The following MTMR3 variants were observed in gnomAD, a reference collection of about 807,000 sequenced individuals.
The protein encoded by MTMR3 is phosphatidylinositol-3,5-bisphosphate 3-phosphatase MTMR3.
Under a neutral mutation model 132.4 loss-of-function variants are expected in MTMR3, and 32 were observed. The ratio of observed to expected loss-of-function variants is 0.24; its 90% confidence interval spans 0.18 to 0.32. The LOEUF (loss-of-function observed/expected upper bound fraction) is 0.32, where lower values mean the gene tolerates loss of function less well. Among genes scored for constraint, MTMR3 ranks in the 10% least tolerant of loss-of-function variants. The pLI, the probability that MTMR3 is intolerant of heterozygous loss-of-function variation, is 1.00. For missense variants in MTMR3, 1,216 were observed against 1,489.6 expected (o/e 0.82, Z 3.02); for synonymous variants, 556 against 550.3 (o/e 1.01, Z -0.14).
chr22:29,888,768 CTT>C (rs3049983), intron 1 of MTMR3, among the ~76,000 whole-genome samples: 324 of 101,854 alleles, frequency 3.2e-3, no homozygotes, highest in African/African-American at 8.7e-3. Context: ...TTAGTTAATA[CTT>C]TTTTTTTTTT....
intron 1 of MTMR3, among the ~76,000 whole-genome samples, chr22:29,927,459 A>G (rs554575243): frequency 5.9e-5 from 9 of 152,374 alleles, no homozygotes; most frequent in African/African-American, 1.9e-4. Flanking sequence ...TTAAAAGGTT[A>G]TCTTTAGATC....
chr22:29,928,178 T>C (rs1021063692), intron 1 of MTMR3, among the ~76,000 whole-genome samples: 10 of 149,234 alleles, frequency 6.7e-5, no homozygotes, highest in East Asian at 1.9e-4. Context: ...TTTCTTTTTT[T>C]TTTTTTTTTT....
intron 3 of MTMR3, among the ~76,000 whole-genome samples, chr22:29,975,612 T>C (rs968322789): frequency 6.6e-6 from 1 of 152,256 alleles, no homozygotes. Flanking sequence ...TGTGTTTTTT[T>C]GTTTTTGACA....
At chr22:29,917,574 A>T (rs927602225) in intron 1 of MTMR3, among the ~76,000 whole-genome samples, 28 of 152,090 alleles carry the variant, frequency 1.8e-4, no homozygotes, top group East Asian at 7.7e-4. Context: ...GTGCAATTTT[A>T]AAAAAAAGTG....
intron 1 of MTMR3, among the ~76,000 whole-genome samples, chr22:29,902,758 C>T (rs1006824229): frequency 7.9e-5 from 12 of 152,162 alleles, no homozygotes; most frequent in Non-Finnish European, 1.6e-4. Context: ...TCTCCTCCCC[C>T]AAGATGGCTG....
At chr22:29,959,976 A>G (rs1034449727) in intron 2 of MTMR3, among the ~76,000 whole-genome samples, 1 of 151,836 alleles carries the variant, frequency 6.6e-6, no homozygotes, top group Admixed American at 6.6e-5. Flanking sequence ...TATGTTGCTC[A>G]GGGTGGTCTT....
At chr22:29,946,817 A>G (rs1254280210) in intron 1 of MTMR3, among the ~76,000 whole-genome samples, 3 of 152,158 alleles carry the variant, frequency 2.0e-5, no homozygotes, top group South Asian at 2.1e-4. Context: ...CAGACTGAAT[A>G]AAAGGTAAAA....
At chr22:29,932,070 G>A (rs907652342) in intron 1 of MTMR3, among the ~76,000 whole-genome samples, 2 of 152,196 alleles carry the variant, frequency 1.3e-5, no homozygotes, top group Non-Finnish European at 2.9e-5. Context: ...AAATCTGAAT[G>A]CTATTGTAAT....
At chr22:30,008,966 G>T in intron 11 of MTMR3, 52 bp from the exon 12 acceptor site, 7 of 1,311,744 alleles carry the variant, frequency 5.3e-6, no homozygotes, top group Non-Finnish European at 6.6e-6. Flanking sequence ...ATTTGGCCAT[G>T]TGGGCTTTAA....
At chr22:29,978,847 G>T in intron 4 of MTMR3, 89 bp from the exon 5 acceptor site, 2 of 965,098 alleles carry the variant, frequency 2.1e-6, no homozygotes, top group Non-Finnish European at 1.6e-6. Flanking sequence ...CAGTGGCAGA[G>T]GATTTACCAT....
rs191161343 is a variant in MTMR3 at position 29,931,187 on chromosome 22, C to T, written c.-137-25849C>T. Among the ~76,000 whole-genome samples, 4 of 152,194 alleles carry T rather than the reference C, an allele frequency of 2.6e-5. No homozygotes were observed. The East Asian group carries it at 5.8e-4, about 22-fold the overall frequency. ...TTCTGCAGTGGAAATACTGACACAACAAGGTTAACAGTACTTGAATCTCTG... is the reference window on the plus strand; with the variant it reads ...TTCTGCAGTGGAAATACTGACACAATAAGGTTAACAGTACTTGAATCTCTG... On this transcript the variant is annotated intron_variant, in intron 1 of 19. Coordinates refer to ENST00000401950, the MANE Select transcript of MTMR3 (RefSeq NM_021090.4).
intron 11 of MTMR3, 170 bp downstream of exon 11, chr22:30,008,202 C>A (rs2067316690): frequency 1.2e-6 from 1 of 823,724 alleles, no homozygotes; most frequent in Admixed American, 3.2e-5. Context: ...ATGTTCTTTT[C>A]TGAGGAGAAA....
chr22:29,939,579 T>G (rs1425342681), intron 1 of MTMR3, among the ~76,000 whole-genome samples: 1 of 152,242 alleles, frequency 6.6e-6, no homozygotes, highest in Non-Finnish European at 1.5e-5. Context: ...GAGTCACTAA[T>G]GTTTTAGTGA....
chr22:29,923,789 A>G (rs1397403330), intron 1 of MTMR3, among the ~76,000 whole-genome samples: 2 of 152,092 alleles, frequency 1.3e-5, no homozygotes, highest in African/African-American at 2.4e-5. Context: ...TACAGGTGTA[A>G]TTAAGGCCCT....
chr22:29,945,706 T>C (rs1291143869), intron 1 of MTMR3, among the ~76,000 whole-genome samples: 1 of 114,228 alleles, frequency 8.8e-6, no homozygotes, highest in African/African-American at 3.9e-5. Context: ...CTCCAGTCTT[T>C]AAAATGAAAA....
At chr22:29,901,998 G>A (rs2065009825) in intron 1 of MTMR3, among the ~76,000 whole-genome samples, 1 of 152,142 alleles carries the variant, frequency 6.6e-6, no homozygotes, top group Non-Finnish European at 1.5e-5. Flanking sequence ...ACAAATAAAA[G>A]TGCCATAAAA....
chr22:30,002,054 G>C (rs1015989769), intron 8 of MTMR3: 9 of 152,070 alleles, frequency 5.9e-5, no homozygotes, highest in African/African-American at 2.2e-4. Flanking sequence ...CTTCACTATT[G>C]AAAAAAGAAG....
At chr22:29,920,011 C>G (rs992370498) in intron 1 of MTMR3, among the ~76,000 whole-genome samples, 4 of 151,900 alleles carry the variant, frequency 2.6e-5, no homozygotes, top group Admixed American at 2.6e-4. Flanking sequence ...GTCAAGAGAT[C>G]GAGACCATCC....
chr22:30,021,791 G>A (rs945337085), intron 17 of MTMR3: 3 of 478,436 alleles, frequency 6.3e-6, no homozygotes, highest in Non-Finnish European at 1.1e-5. Flanking sequence ...GAACCCTGAG[G>A]GCCTGTTTTT....
Sources: allele counts gnomAD v4.1 joint callset (sites outside exome capture counted in the v4.1 genomes callset), GRCh38; gene constraint gnomAD v4.1.1; transcripts MANE v1.5; gene names NCBI Gene and HGNC (gene_info 2026-07-23, HGNC 2026-07-21).